The following LASP1 variants were observed in gnomAD, a reference collection of about 807,000 sequenced individuals.
LASP1 encodes the protein LIM and SH3 domain protein 1.
LASP1 carries 10 observed loss-of-function variants against 38.6 expected under a neutral mutation model. That is an observed-to-expected ratio of 0.26 (90% CI 0.16 to 0.44). The LOEUF (loss-of-function observed/expected upper bound fraction) is 0.44, where lower values mean the gene tolerates loss of function less well. LASP1 is among the 20% of genes least tolerant of loss of function. The pLI is 1.00. For synonymous variants in LASP1, 132 were observed against 140.8 expected (o/e 0.94, Z 0.44); for missense variants, 243 against 375.7 (o/e 0.65, Z 2.92).
intron 4 of LASP1, among the ~76,000 whole-genome samples, chr17:38,902,317 T>C (rs1302386692): frequency 6.7e-6 from 1 of 149,286 alleles, no homozygotes; most frequent in Non-Finnish European, 1.5e-5. Flanking sequence ...CGCCTCAGCC[T>C]CCTAAAGTGC....
chr17:38,897,035 C>G, intron 3 of LASP1: 1 of 985,522 alleles, frequency 1.0e-6, no homozygotes, highest in Non-Finnish European at 1.2e-6. Context: ...ACCGTGCTGG[C>G]CCAGGGCTTC....
chr17:38,914,590 C>T (rs576019314), intron 5 of LASP1, 115 bp downstream of exon 5: 1 of 1,303,422 alleles, frequency 7.7e-7, no homozygotes, highest in Admixed American at 2.7e-5. Flanking sequence ...TCTTAATCAA[C>T]AGGCGATTAT....
rs1915236233 is a variant in LASP1 at position 38,919,493 on chromosome 17, T to C, written c.*715T>C. On this transcript the variant is annotated 3_prime_UTR_variant, in exon 7 of 7. Transcript: ENST00000318008. ...ACAGCTTGGGTCAGGTTCTTGCCTT[T>C]CTTAATTTTAGGGACAGCTACCGGA... The C allele has an allele frequency of 4.1e-6, 1 of 243,638 alleles. No individual in the cohort carries two copies. 15.1% of individuals were successfully genotyped at this position (243,638 alleles called of 1,614,324 possible).
At chr17:38,889,305 A>G (rs1470970916) in intron 2 of LASP1, among the ~76,000 whole-genome samples, 1 of 152,014 alleles carries the variant, frequency 6.6e-6, no homozygotes, top group African/African-American at 2.4e-5. Flanking sequence ...TAATTTTTGT[A>G]TTTTTAGTGG....
In LASP1 at chr17:38,890,462, G is replaced by T. The variant is rs771497225; in HGVS notation, c.207G>T (p.Pro69=). 2.5e-6 allele frequency: 4 copies of T among 1,613,908 alleles called. No homozygotes were observed. In the African/African-American group the frequency reaches 5.3e-5, roughly 22 times the overall value. The change falls in exon 3 of 7, where the codon CCG becomes CCT. Residue 69 remains proline (P), a synonymous_variant. Transcript: ENST00000318008. ...KQSFTMVADT[P]ENLRLKQQSE... Reference sequence around the variant, plus strand: ...CCTTCACCATGGTGGCGGACACCCCGGAAAACCTTCGCCTCAAGCAACAGA... The same window carrying T: ...CCTTCACCATGGTGGCGGACACCCCTGAAAACCTTCGCCTCAAGCAACAGA...
At chr17:38,896,805 G>C in intron 3 of LASP1, 4 of 527,572 alleles carry the variant, frequency 7.6e-6, no homozygotes, top group Non-Finnish European at 9.8e-6. Flanking sequence ...GACTGAGCCT[G>C]CGTTAGTGCT....
intron 1 of LASP1, among the ~76,000 whole-genome samples, chr17:38,874,675 G>A (rs1913708762): frequency 6.6e-6 from 1 of 152,144 alleles, no homozygotes; most frequent in Non-Finnish European, 1.5e-5. Context: ...CATAGTAACT[G>A]GTTTCCATGT....
At chr17:38,878,773 G>T (rs1284301255) in intron 2 of LASP1, among the ~76,000 whole-genome samples, 2 of 152,166 alleles carry the variant, frequency 1.3e-5, no homozygotes, top group Non-Finnish European at 2.9e-5. Flanking sequence ...TGCATAAAGG[G>T]TGTTGCCTGG....
intron 3 of LASP1, among the ~76,000 whole-genome samples, chr17:38,891,301 C>T (rs563026960): frequency 2.0e-5 from 3 of 152,186 alleles, no homozygotes; most frequent in East Asian, 1.9e-4. Context: ...CACTCAGGAT[C>T]GGGAGAAGAC....
chr17:38,890,743 C>T (rs1002910796), intron 3 of LASP1, among the ~76,000 whole-genome samples: 6 of 152,046 alleles, frequency 3.9e-5, no homozygotes, highest in Admixed American at 1.3e-4. Context: ...TATTTGAGCC[C>T]GCTCTGGGGC....
At chr17:38,886,988 C>G (rs1914159151) in intron 2 of LASP1, among the ~76,000 whole-genome samples, 2 of 152,206 alleles carry the variant, frequency 1.3e-5, no homozygotes, top group African/African-American at 4.8e-5. Flanking sequence ...CCCTCCTTGG[C>G]CTCCCAAACT....
chr17:38,920,284 G>A lies in LASP1; in HGVS notation c.*1506G>A. The A allele has an allele frequency of 2.4e-6, 1 of 415,826 alleles. No individual in the cohort carries two copies. The highest frequency in any genetic ancestry group is 4.6e-6 in the Non-Finnish European group (1 of 216,172). 25.8% of individuals were successfully genotyped at this position (415,826 alleles called of 1,614,324 possible). A position where few individuals can be genotyped will look rare whatever the true frequency, so the allele number is the denominator to read the frequency against. On this transcript the variant is annotated 3_prime_UTR_variant, in exon 7 of 7. Transcript: ENST00000318008. ...GTCACCCTGTGGGTGTCTCCCTCGG[G>A]GGCTCTTCCCCTAGACCTCCCCCTC... is the stretch of plus-strand genomic sequence containing the variant.
chr17:38,908,715 A>G (rs1914841271), intron 4 of LASP1, among the ~76,000 whole-genome samples: 2 of 152,070 alleles, frequency 1.3e-5, no homozygotes, highest in Admixed American at 1.3e-4. Context: ...GGCCCTTACC[A>G]CTGCCCTCCC....
intron 3 of LASP1, among the ~76,000 whole-genome samples, chr17:38,897,297 C>T (rs112922051): frequency 0.013 from 1,973 of 152,312 alleles, 42 homozygotes; most frequent in African/African-American, 0.045. Flanking sequence ...CATGCGCATG[C>T]GCAGTCGCTC....
At chr17:38,891,524 GC>G (rs1191967803) in intron 3 of LASP1, among the ~76,000 whole-genome samples, 2 of 152,126 alleles carry the variant, frequency 1.3e-5, no homozygotes, top group Non-Finnish European at 2.9e-5. Flanking sequence ...GGCGACTGAG[GC>G]CCAGCGACTT....
intron 2 of LASP1, among the ~76,000 whole-genome samples, chr17:38,882,508 A>G (rs973527614): frequency 6.6e-6 from 1 of 152,054 alleles, no homozygotes; most frequent in South Asian, 2.1e-4. Context: ...TCGGCCTCCC[A>G]AAGTGCTGGG....
At chr17:38,914,539 A>C in intron 5 of LASP1, 64 bp downstream of exon 5, 1 of 1,516,536 alleles carries the variant, frequency 6.6e-7, no homozygotes, top group South Asian at 1.3e-5. Context: ...GGAGGAAGCC[A>C]GGAGAAGACA....
In LASP1 at chr17:38,870,073, C is replaced by T. The variant is rs535628450; in HGVS notation, c.-117C>T. On this transcript the variant is annotated 5_prime_UTR_variant, in exon 1 of 7. Coordinates refer to ENST00000318008, the MANE Select transcript of LASP1 (RefSeq NM_006148.4). ...GGAGGCGGAGGCCAGTTCCCCAGCT[C>T]CAGCCGCCGTCGCTGCTGCCTGTGT... 3 of 1,113,724 alleles carry T rather than the reference C, an allele frequency of 2.7e-6. No individual in the cohort carries two copies. Among genetic ancestry groups the T allele is most frequent in the East Asian group, 2.5e-5 (1 of 39,640 alleles). The allele number at this position is 1,113,724 out of a possible 1,614,324, so 69.0% of individuals were successfully genotyped here. A position where few individuals can be genotyped will look rare whatever the true frequency, so the allele number is the denominator to read the frequency against.
chr17:38,906,616 G>A (rs922550576), intron 4 of LASP1, among the ~76,000 whole-genome samples: 2 of 152,166 alleles, frequency 1.3e-5, no homozygotes, highest in Non-Finnish European at 2.9e-5. Flanking sequence ...ACCCTAGCTG[G>A]TGAGCTGATG....
Sources: allele counts gnomAD v4.1 joint callset (sites outside exome capture counted in the v4.1 genomes callset), GRCh38; gene constraint gnomAD v4.1.1; transcripts MANE v1.5; gene names NCBI Gene and HGNC (gene_info 2026-07-23, HGNC 2026-07-21).